The following APBA3 variants were observed in gnomAD, a reference collection of about 807,000 sequenced individuals.
APBA3 encodes amyloid-beta A4 precursor protein-binding family A member 3.
APBA3 carries 45 observed loss-of-function variants against 55.9 expected under a neutral mutation model. The ratio of observed to expected loss-of-function variants is 0.80; its 90% CI spans 0.63 to 1.03. The LOEUF (loss-of-function observed/expected upper bound fraction) is 1.03. APBA3 is among the 50% of genes least tolerant of loss of function. APBA3 has a pLI of 0.00. For synonymous variants in APBA3, 370 were observed against 353.3 expected (o/e 1.05, Z -0.53); for missense variants, 865 against 820.3 (o/e 1.05, Z -0.67).
intron 3 of APBA3, among the ~76,000 whole-genome samples, chr19:3,759,220 CA>C (rs2037113995): frequency 1.3e-5 from 2 of 152,062 alleles, no homozygotes; most frequent in Admixed American, 6.6e-5. Flanking sequence ...CAGAAGTCAT[CA>C]AAAAAAGTAA....
In APBA3 at chr19:3,759,597, G is replaced by A. The variant is rs1283751741; in HGVS notation, c.580C>T (p.Pro194Ser). Residue 194 changes from proline to serine, a missense_variant, in exon 3 of 11, where the codon CCC becomes TCC. Pro to Ser is a moderately conservative substitution (Grantham distance 74). Transcript: ENST00000316757. ...PEEPPAGAQS[P>S]ETLASYPAPQ... is the part of the protein sequence containing the mutation. ...GCAGGGTAGGAAGCCAGGGTCTCGG[G>A]GCTCTGGAAGAAGATAGAGGAGGGG... The A allele has an allele frequency of 1.2e-6, 2 of 1,600,644 alleles. No homozygotes were observed. The highest frequency in any genetic ancestry group is 1.7e-6 in the Non-Finnish European group (2 of 1,175,162).
At chr19:3,760,356 T>C in intron 1 of APBA3, 55 bp from the exon 2 acceptor site, 1 of 1,216,156 alleles carries the variant, frequency 8.2e-7, no homozygotes, top group Non-Finnish European at 1.1e-6. Context: ...GGCTCATGCC[T>C]GTAATCCCAG....
chr19:3,753,680 A>T, intron 6 of APBA3, 85 bp downstream of exon 6: 5 of 1,257,050 alleles, frequency 4.0e-6, no homozygotes, highest in Non-Finnish European at 5.3e-6. Flanking sequence ...TATGGGAGGG[A>T]GGTTAAATGC....
At position 3,754,276 on chromosome 19, in the gene APBA3, C is replaced by G; in HGVS notation, c.681G>C (p.Gly227=). The G allele has an allele frequency of 6.4e-7, 1 of 1,550,500 alleles. No homozygotes were observed. The highest frequency in any genetic ancestry group is 8.7e-7 in the Non-Finnish European group (1 of 1,148,108). Residue 227 remains glycine (G), a synonymous_variant, in exon 4 of 11, where the codon GGG becomes GGC. Transcript: ENST00000316757. ...DGVIFGARYL[G]STQLVSERNP... ...TCCGTTCCGACACCAGCTGGGTGGA[C>G]CCCAGGTACCTGGCCCCAAATATGA... is the stretch of plus-strand genomic sequence containing the variant.
At position 3,759,727 on chromosome 19, in the gene APBA3, G is replaced by A. The variant is rs557560014; in HGVS notation, c.538C>T (p.Pro180Ser). 9.9e-6 allele frequency: 16 copies of A among 1,612,682 alleles called. No individual in the cohort carries two copies. In the South Asian group the frequency reaches 1.6e-4, roughly 17 times the overall value. Residue 180 changes from proline to serine, a missense_variant, in exon 2 of 11, where the codon CCT becomes TCT. Transcript: ENST00000316757. ...SSPEPWLETVPLVTPEEPPAG... is the reference protein window; with the variant it reads ...SSPEPWLETVSLVTPEEPPAG... ...GGTGGCTCTTCAGGTGTGACTAGAG[G>A]CACCGTCTCCAGCCAGGGTTCCGGG... is the stretch of plus-strand genomic sequence containing the variant.
intron 6 of APBA3, 48 bp from the exon 7 acceptor site, chr19:3,753,038 C>T: frequency 1.3e-6 from 2 of 1,594,656 alleles, no homozygotes; most frequent in Non-Finnish European, 8.5e-7. Flanking sequence ...CCACCTCCTC[C>T]AGGTCCCCAA....
intron 3 of APBA3, chr19:3,755,132 T>C (rs2037061601): frequency 6.6e-6 from 1 of 152,224 alleles, no homozygotes; most frequent in African/African-American, 2.4e-5. Context: ...TCCCGGGTTG[T>C]AGAACCACTC....
At chr19:3,755,945 G>A (rs866089370) in intron 3 of APBA3, 1 of 152,066 alleles carries the variant, frequency 6.6e-6, no homozygotes, top group Admixed American at 6.6e-5. Context: ...CACGGGTGTA[G>A]GGCCCCGTTC....
At position 3,752,811 on chromosome 19, in the gene APBA3, C is replaced by T. The variant is rs1470786854; in HGVS notation, c.1182+9G>A. 6.2e-7 allele frequency: 1 copy of T among 1,612,394 alleles called. No homozygotes were observed. Among genetic ancestry groups the T allele is most frequent in the Admixed American group, 1.7e-5 (1 of 59,972 alleles). On this transcript the variant is annotated intron_variant, in intron 7 of 10. Transcript: ENST00000316757. ...GCACCAGGTGGGGGCTGCCCAGCAC[C>T]TCACTCACCTCCCGGCAGTTGTCAC... is the stretch of plus-strand genomic sequence containing the variant.
chr19:3,755,165 CCTGT>C (rs1216897334), intron 3 of APBA3: 2 of 152,188 alleles, frequency 1.3e-5, no homozygotes, highest in African/African-American at 4.8e-5. Flanking sequence ...GACCCTGCTG[CCTGT>C]CTAAAATTCC....
intron 5 of APBA3, 32 bp downstream of exon 5, chr19:3,753,987 C>T (rs1403057691): frequency 6.3e-7 from 1 of 1,591,782 alleles, no homozygotes; most frequent in Non-Finnish European, 8.6e-7. Flanking sequence ...ATCACCCCAC[C>T]CGCATCCCTG....
chr19:3,751,649 G>C, intron 8 of APBA3, 96 bp from the exon 9 acceptor site: 3 of 1,381,442 alleles, frequency 2.2e-6, no homozygotes. Context: ...ATAAACCAGA[G>C]ACCTGGAGTC....
chr19:3,754,446 G>A, intron 3 of APBA3, 106 bp from the exon 4 acceptor site: 1 of 1,441,004 alleles, frequency 6.9e-7, no homozygotes, highest in Non-Finnish European at 9.3e-7. Flanking sequence ...GTTCTAGCTG[G>A]TGGCTTAGCA....
intron 3 of APBA3, 44 bp downstream of exon 3, chr19:3,759,517 T>G (rs2037117414): frequency 6.4e-7 from 1 of 1,557,190 alleles, no homozygotes; most frequent in Non-Finnish European, 8.7e-7. Flanking sequence ...TCTGGCTGTC[T>G]AGGGGCCTTC....
At chr19:3,761,245 CT>C (rs1248801620) in intron 1 of APBA3, among the ~76,000 whole-genome samples, 1 of 152,170 alleles carries the variant, frequency 6.6e-6, no homozygotes, top group Non-Finnish European at 1.5e-5. Context: ...ACTCTACCGA[CT>C]GGTCAGAGGC....
In APBA3 at chr19:3,750,794, A is replaced by G. The variant is rs1446177973; in HGVS notation, c.*232T>C. ...ACCTCCCTCCGCCTGGTCTTTAATA[A>G]ACAGAGTATTTTCACAGCACCGGCT... On this transcript the variant is annotated 3_prime_UTR_variant, in exon 11 of 11. Transcript: ENST00000316757. 9.3e-7 allele frequency: 1 copy of G among 1,079,614 alleles called. No individual in the cohort carries two copies. The highest frequency in any genetic ancestry group is 1.6e-5 in the African/African-American group (1 of 63,376). 66.9% of individuals were successfully genotyped at this position (1,079,614 alleles called of 1,614,324 possible).
At position 3,751,031 on chromosome 19, in the gene APBA3, G is replaced by A. The variant is rs1314793271; in HGVS notation, c.1723C>T (p.Leu575=). The change falls in exon 11 of 11, where the codon CTG becomes TTG. Residue 575 remains leucine, a synonymous_variant. Coordinates refer to ENST00000316757, the MANE Select transcript of APBA3 (RefSeq NM_004886.4). The stretch of plus-strand genomic sequence containing the variant: ...GCAGGCAAGGGATGAGGTGGTCACA[G>A]GTACACGGGCTGCTCCTGGCCTGTA... ...LLTGQEQPVY[L] is the part of the protein sequence containing the mutation. The A allele has an allele frequency of 1.1e-5, 17 of 1,559,344 alleles. No homozygotes were observed. The highest frequency in any genetic ancestry group is 1.5e-5 in the Non-Finnish European group (17 of 1,151,400).
At chr19:3,757,768 A>G (rs2037095874) in intron 3 of APBA3, among the ~76,000 whole-genome samples, 1 of 152,130 alleles carries the variant, frequency 6.6e-6, no homozygotes, top group Non-Finnish European at 1.5e-5. Context: ...GGCTTGGCAA[A>G]CATTTTCTGT....
chr19:3,753,080 T>A, intron 6 of APBA3, 90 bp from the exon 7 acceptor site: 1 of 1,448,222 alleles, frequency 6.9e-7, no homozygotes, highest in South Asian at 1.3e-5. Flanking sequence ...TGAGCCCTCC[T>A]GTCCCCACCT....
Sources: allele counts gnomAD v4.1 joint callset (sites outside exome capture counted in the v4.1 genomes callset), GRCh38; gene constraint gnomAD v4.1.1; transcripts MANE v1.5; gene names NCBI Gene and HGNC (gene_info 2026-07-23, HGNC 2026-07-21).